Variants in PC observed in about 807,000 individuals in gnomAD.
The protein encoded by PC is pyruvate carboxylase, also known as pyruvate carboxylase, mitochondrial.
A neutral mutation model predicts 107.8 loss-of-function variants in PC; 46 were observed. That is an observed-to-expected ratio of 0.43 (90% CI 0.34 to 0.55). PC has a LOEUF of 0.55. PC is among the 20% of genes least tolerant of loss of function. The probability of loss-of-function intolerance (pLI) is 0.04; values close to 1 mark genes in which losing one functional copy is unlikely to be tolerated. For missense variants in PC, 1,241 were observed against 1,643.1 expected (o/e 0.76, Z 4.23); for synonymous variants, 662 against 684.7 (o/e 0.97, Z 0.52).
chr11:66,859,021 G>A (rs1946072562), intron 12 of PC: 3 of 1,511,598 alleles, frequency 2.0e-6, no homozygotes, highest in African/African-American at 1.4e-5. Flanking sequence ...TGGGGTCCCG[G>A]GCGGCCAGCC....
At chr11:66,885,665 GGAGT>G (rs1715475795) in intron 3 of PC, among the ~76,000 whole-genome samples, 1 of 152,180 alleles carries the variant, frequency 6.6e-6, no homozygotes, top group African/African-American at 2.4e-5. Flanking sequence ...CCACATGACT[GGAGT>G]GAGGCAGCTA....
intron 3 of PC, among the ~76,000 whole-genome samples, chr11:66,946,914 T>C (rs960782451): frequency 6.6e-6 from 1 of 152,180 alleles, no homozygotes; most frequent in Non-Finnish European, 1.5e-5. Context: ...TCATTATCAT[T>C]AGGAAAATTC....
chr11:66,943,666 T>C (rs1379796416), intron 3 of PC, among the ~76,000 whole-genome samples: 1 of 125,348 alleles, frequency 8.0e-6, no homozygotes, highest in Admixed American at 1.0e-4. Flanking sequence ...GGCAGGAGAA[T>C]GGCATGAACC....
chr11:66,921,652 G>A (rs1028479571), intron 3 of PC, among the ~76,000 whole-genome samples: 7 of 152,092 alleles, frequency 4.6e-5, no homozygotes, highest in African/African-American at 1.4e-4. Context: ...TGCCACTCCC[G>A]AGCTGGATGG....
intron 3 of PC, among the ~76,000 whole-genome samples, chr11:66,898,648 C>A (rs1947845473): frequency 6.6e-6 from 1 of 152,198 alleles, no homozygotes; most frequent in Non-Finnish European, 1.5e-5. Context: ...CCACTGCATT[C>A]CAGCCTGGGC....
chr11:66,954,116 C>G (rs1307996197), intron 2 of PC, 133 bp downstream of exon 2: 1 of 152,090 alleles, frequency 6.6e-6, no homozygotes, highest in Non-Finnish European at 1.5e-5. Flanking sequence ...TTAATTTTGA[C>G]AGGACAAGAT....
chr11:66,861,085 G>A (rs868608474), intron 12 of PC, among the ~76,000 whole-genome samples: 5 of 152,230 alleles, frequency 3.3e-5, no homozygotes, highest in Admixed American at 1.3e-4. Flanking sequence ...GAGCAGGACC[G>A]CAGCTGCCAG....
In PC at chr11:66,858,007, G is replaced by A; in HGVS notation, c.1369-4624C>T. Reference sequence around the variant, plus strand: ...TCTCGCAATGCCATCACCCGCATTGGGGCCCGCGCCTTTGGGGACCTCGAG... The same window carrying A: ...TCTCGCAATGCCATCACCCGCATTGAGGCCCGCGCCTTTGGGGACCTCGAG... On this transcript the variant is annotated intron_variant, in intron 12 of 22. Transcript: ENST00000393960. This position sits in a 1 kb window ranked among gnomAD's most constrained non-coding sequence, Gnocchi z 5.9. 6.2e-7 allele frequency: 1 copy of A among 1,612,350 alleles called. No individual in the cohort carries two copies. The highest frequency in any genetic ancestry group is 1.1e-5 in the South Asian group (1 of 91,082).
intron 9 of PC, among the ~76,000 whole-genome samples, chr11:66,869,749 CT>C (rs1327998593): frequency 2.0e-5 from 3 of 152,166 alleles, no homozygotes; most frequent in African/African-American, 7.2e-5. Flanking sequence ...AGCAGGTGCT[CT>C]CCAGGCCAGT....
intron 3 of PC, among the ~76,000 whole-genome samples, chr11:66,897,481 A>G (rs1947800403): frequency 6.6e-6 from 1 of 152,210 alleles, no homozygotes; most frequent in Admixed American, 6.5e-5. Flanking sequence ...CTGAAGCAGG[A>G]GAATTGCTTA....
chr11:66,861,094 A>G lies in PC; in HGVS notation c.1368+2680T>C, dbSNP rs117314469. On this transcript the variant is annotated intron_variant, in intron 12 of 22. Coordinates refer to ENST00000393960, the MANE Select transcript of PC (RefSeq NM_001040716.2). The stretch of plus-strand genomic sequence containing the variant: ...GGGTCCGAGCAGGACCGCAGCTGCC[A>G]GCTCAGATGTGCTCTGGGCCTTCCT... Among the ~76,000 whole-genome samples the G allele has an allele frequency of 1.8e-4, 27 of 152,332 alleles. 1 individual carries two copies. In the East Asian group the frequency reaches 5.2e-3, roughly 29 times the overall value.
intron 11 of PC, among the ~76,000 whole-genome samples, chr11:66,865,934 C>T (rs929692264): frequency 2.6e-5 from 4 of 152,190 alleles, no homozygotes; most frequent in African/African-American, 9.7e-5. Flanking sequence ...TTTGCTCCAC[C>T]AAGCCAGCCT....
Position 66,868,978 on chromosome 11 carries a change from C to G in PC, c.904-14G>C. On this transcript the variant is annotated splice_polypyrimidine_tract_variant and intron_variant, in intron 9 of 22. Transcript: ENST00000393960. ...CTCGTAGCCCACCTGTGGGGGCGGC[C>G]ACGTGAGCAGGGGAGGGCACAGGCA... 6.2e-7 allele frequency: 1 copy of G among 1,602,158 alleles called. No homozygotes were observed. The highest frequency in any genetic ancestry group is 8.6e-7 in the Non-Finnish European group (1 of 1,169,574).
intron 11 of PC, among the ~76,000 whole-genome samples, chr11:66,864,818 G>A (rs1167915599): frequency 1.3e-5 from 2 of 152,238 alleles, no homozygotes; most frequent in Non-Finnish European, 1.5e-5. Context: ...GCCCCGCAGA[G>A]AAGGGCTCCC....
intron 3 of PC, among the ~76,000 whole-genome samples, chr11:66,933,810 C>G (rs191765679): frequency 6.6e-6 from 1 of 152,168 alleles, no homozygotes; most frequent in South Asian, 2.1e-4. Flanking sequence ...CCACCCACTC[C>G]GCCCAGAGGT....
intron 11 of PC, among the ~76,000 whole-genome samples, chr11:66,865,607 G>A (rs1310334132): frequency 2.0e-5 from 3 of 152,152 alleles, no homozygotes; most frequent in African/African-American, 7.2e-5. Flanking sequence ...GGAGCCTGCC[G>A]TGGACCGCCT....
At chr11:66,953,089 C>CT (rs1466872035) in intron 2 of PC, among the ~76,000 whole-genome samples, 1 of 152,268 alleles carries the variant, frequency 6.6e-6, no homozygotes, top group African/African-American at 2.4e-5. Flanking sequence ...AGAGGACACA[C>CT]TGGGACGTTA....
At chr11:66,873,518 T>TA (rs1555028643) in intron 3 of PC, among the ~76,000 whole-genome samples, 37 of 2,002 alleles carry the variant, frequency 0.018, no homozygotes, top group South Asian at 0.056. Flanking sequence ...ATATATTATA[T>TA]TATATATTAT....
Position 66,871,770 on chromosome 11 carries a change from CT to C in PC, c.237del (p.Ala80GlnfsTer32). 6.2e-7 allele frequency: 1 copy of C among 1,601,278 alleles called. No individual in the cohort carries two copies. Among genetic ancestry groups the C allele is most frequent in the Non-Finnish European group, 8.5e-7 (1 of 1,174,880 alleles). On this transcript the variant is annotated frameshift_variant, in exon 5 of 23. Transcript: ENST00000393960. LOFTEE classifies it high-confidence loss of function. This position sits in a 1 kb window ranked among gnomAD's most constrained non-coding sequence, Gnocchi z 7.4. ...EQDTGQMHRQKADEAYLIGRG... is the reference protein window; with the variant it reads ...EQDTGQMHRQXADEAYLIGRG... ...CGGCCGATGAGATAGGCTTCATCTG[CT>C]TTCTGCCGGTGCATCTGGCCCGTGT...
Sources: allele counts gnomAD v4.1 joint callset (sites outside exome capture counted in the v4.1 genomes callset), GRCh38; gene constraint gnomAD v4.1.1; non-coding constraint Gnocchi (gnomAD v3.1); transcripts MANE v1.5; gene names NCBI Gene and HGNC (gene_info 2026-07-23, HGNC 2026-07-21).